Variants in PRR16 observed in about 807,000 individuals in gnomAD.
PRR16 encodes the protein proline rich 16, also known as protein Largen.
Under a neutral mutation model 18.2 loss-of-function variants are expected in PRR16, and 6 were observed. The observed-to-expected ratio is 0.33, with a 90% CI of 0.18 to 0.65. The LOEUF is 0.65. Among genes scored for constraint, PRR16 ranks in the 30% least tolerant of loss-of-function variants. The pLI is 0.74. For missense variants in PRR16, 412 were observed against 376.6 expected (o/e 1.09, Z -0.78); for synonymous variants, 151 against 147.8 (o/e 1.02, Z -0.16).
chr5:120,766,437 A>ATTATATCTTTTT, the PRR16 span, among the ~76,000 whole-genome samples: 1 of 149,406 alleles, frequency 6.7e-6, no homozygotes, highest in East Asian at 1.9e-4. Flanking sequence ...TTACTTTTCT[A>ATTATATCTTTTT]TTATATCTTT....
At chr5:120,663,364 C>G (rs1470299681) in intron 1 of PRR16, among the ~76,000 whole-genome samples, 1 of 152,074 alleles carries the variant, frequency 6.6e-6, no homozygotes, top group Non-Finnish European at 1.5e-5. Flanking sequence ...CCTTTCTAAA[C>G]TTTTCACTAT....
At chr5:120,554,051 C>T (rs749697396) in intron 1 of PRR16, among the ~76,000 whole-genome samples, 1 of 151,832 alleles carries the variant, frequency 6.6e-6, no homozygotes, top group African/African-American at 2.4e-5. Context: ...ACAGATAATA[C>T]ACAATCATGA....
intron 1 of PRR16, among the ~76,000 whole-genome samples, chr5:120,554,976 G>C (rs1752365274): frequency 6.6e-6 from 1 of 151,870 alleles, no homozygotes; most frequent in South Asian, 2.1e-4. Context: ...CTAGCATTGA[G>C]GATGAAGCCA....
At chr5:120,471,103 T>G (rs761586676) in intron 1 of PRR16, among the ~76,000 whole-genome samples, 2 of 152,132 alleles carry the variant, frequency 1.3e-5, no homozygotes, top group Non-Finnish European at 2.9e-5. Flanking sequence ...TGCTGTGTAG[T>G]TTATTATCTT....
At chr5:120,784,178 G>T in the PRR16 span, among the ~76,000 whole-genome samples, 1 of 152,252 alleles carries the variant, frequency 6.6e-6, no homozygotes, top group African/African-American at 2.4e-5. Context: ...TGGGAGTGCA[G>T]ATATCTCTTA....
chr5:120,791,055 A>G, the PRR16 span, among the ~76,000 whole-genome samples: 1 of 152,106 alleles, frequency 6.6e-6, no homozygotes, highest in African/African-American at 2.4e-5. Context: ...TTGAACATCT[A>G]TTTGTTCTCT....
chr5:120,663,032 T>C (rs1375809771), intron 1 of PRR16, among the ~76,000 whole-genome samples: 2 of 152,142 alleles, frequency 1.3e-5, no homozygotes, highest in Non-Finnish European at 2.9e-5. Flanking sequence ...GCCTCAATAA[T>C]TCAGTCCCTG....
intron 1 of PRR16, among the ~76,000 whole-genome samples, chr5:120,497,114 C>T (rs969356668): frequency 2.0e-5 from 3 of 152,108 alleles, no homozygotes; most frequent in East Asian, 1.9e-4. Context: ...GCTTGTTTCA[C>T]GGCTCAGAAT....
chr5:120,730,372 C>T, the PRR16 span, among the ~76,000 whole-genome samples: 3 of 152,058 alleles, frequency 2.0e-5, no homozygotes, highest in Non-Finnish European at 4.4e-5. Context: ...CCTGTTATTG[C>T]ACAACTTGTG....
chr5:120,708,006 A>C, the PRR16 span, among the ~76,000 whole-genome samples: 1 of 152,316 alleles, frequency 6.6e-6, no homozygotes, highest in South Asian at 2.1e-4. Context: ...ATGAAAAAAC[A>C]AAAGTATAAT....
chr5:120,503,974 A>G (rs546896367), intron 1 of PRR16, among the ~76,000 whole-genome samples: 2 of 151,874 alleles, frequency 1.3e-5, no homozygotes, highest in Non-Finnish European at 2.9e-5. Flanking sequence ...TGAACTCATC[A>G]TTTTTTATGG....
chr5:120,616,103 T>G (rs1754501489), intron 1 of PRR16, among the ~76,000 whole-genome samples: 1 of 152,164 alleles, frequency 6.6e-6, no homozygotes. Context: ...ACTTTTTCAC[T>G]CATTTCTGCA....
At chr5:120,699,726 A>T in the PRR16 span, among the ~76,000 whole-genome samples, 3 of 152,152 alleles carry the variant, frequency 2.0e-5, no homozygotes, top group African/African-American at 4.8e-5. Flanking sequence ...GTTGGACAGA[A>T]AGGCTACAGG....
At chr5:120,542,749 G>T (rs1198458653) in intron 1 of PRR16, among the ~76,000 whole-genome samples, 5 of 152,122 alleles carry the variant, frequency 3.3e-5, no homozygotes, top group African/African-American at 1.2e-4. Flanking sequence ...TCATCCCCTT[G>T]CAGTATTGTG....
At chr5:120,775,486 A>G in the PRR16 span, among the ~76,000 whole-genome samples, 1 of 152,050 alleles carries the variant, frequency 6.6e-6, no homozygotes, top group African/African-American at 2.4e-5. Context: ...TCAGTTCAAT[A>G]TCTCATTTTC....
chr5:120,762,141 A>G, the PRR16 span, among the ~76,000 whole-genome samples: 3 of 152,214 alleles, frequency 2.0e-5, no homozygotes, highest in Admixed American at 6.6e-5. Context: ...GATTGCATGT[A>G]TCTTTGGCTA....
chr5:120,553,778 C>A (rs963000502), intron 1 of PRR16, among the ~76,000 whole-genome samples: 2 of 151,774 alleles, frequency 1.3e-5, no homozygotes, highest in Admixed American at 6.6e-5. Flanking sequence ...GAAATAATAA[C>A]CTCAACGACA....
At chr5:120,678,037 A>T (rs1326936675) in intron 1 of PRR16, among the ~76,000 whole-genome samples, 4 of 150,030 alleles carry the variant, frequency 2.7e-5, no homozygotes, top group Admixed American at 1.3e-4. Flanking sequence ...AGCCTCCCGA[A>T]TAGCTGGGAC....
intron 1 of PRR16, among the ~76,000 whole-genome samples, chr5:120,632,989 A>G (rs1755107450): frequency 6.6e-6 from 1 of 152,212 alleles, no homozygotes; most frequent in African/African-American, 2.4e-5. Flanking sequence ...CAAAAGCATC[A>G]GGTAACCTAC....
Sources: gnomAD v4.1 joint callset for allele counts (sites outside exome capture counted in the v4.1 genomes callset) on GRCh38, gnomAD v4.1.1 for gene constraint, MANE v1.5 for transcripts, NCBI Gene and HGNC (gene_info 2026-07-23, HGNC 2026-07-21) for gene names.